Variants in CDH22 observed in about 807,000 individuals in gnomAD.
CDH22 encodes the protein cadherin 22, also known as cadherin-22.
CDH22 carries 30 observed loss-of-function variants against 58.4 expected under a neutral mutation model. The ratio of observed to expected loss-of-function variants is 0.51; its 90% confidence interval spans 0.38 to 0.70. The LOEUF (loss-of-function observed/expected upper bound fraction) is 0.70, where lower values mean the gene tolerates loss of function less well. Among genes scored for constraint, CDH22 ranks in the 30% least tolerant of loss-of-function variants. CDH22 has a pLI of 0.00. For synonymous variants in CDH22, 513 were observed against 558.2 expected, an observed-to-expected ratio of 0.92 and a Z score of 1.14; for missense variants, 1,014 against 1,233.9, an observed-to-expected ratio of 0.82 and a Z score of 2.67.
chr20:46,211,582 G>A (rs994307332), intron 6 of CDH22, among the ~76,000 whole-genome samples: 9 of 152,142 alleles, frequency 5.9e-5, no homozygotes, highest in Admixed American at 1.3e-4. Context: ...TGGAGTGGGC[G>A]GCAGGAGGGG....
chr20:46,236,848 T>C (rs1415287397), intron 3 of CDH22, among the ~76,000 whole-genome samples: 2 of 151,764 alleles, frequency 1.3e-5, no homozygotes, highest in East Asian at 1.9e-4. Context: ...TATGCCACCA[T>C]ACCTGGCTAA....
At position 46,241,020 on chromosome 20, in the gene CDH22, C is replaced by T. The variant is rs1161609936; in HGVS notation, c.493G>A (p.Glu165Lys). 6.2e-7 allele frequency: 1 copy of T among 1,614,040 alleles called. No individual in the cohort carries two copies. The highest frequency in any genetic ancestry group is 8.5e-7 in the Non-Finnish European group (1 of 1,179,970). Residue 165 changes from glutamate (E) to lysine (K), a missense_variant, in exon 3 of 12, where the codon GAG (glutamate) becomes AAG (lysine). Around this residue, in one of 2 missense-constraint regions of CDH22, gnomAD observed 806 missense variants for 1,038.7 expected, o/e 0.78. Transcript: ENST00000537909. This position sits in a 1 kb window ranked among gnomAD's most constrained non-coding sequence, Gnocchi z 5.2. ...IIKVQDINDS[E>K]PRFLHGPYIG... is the part of the protein sequence containing the mutation. ...TAGGGGCCGTGCAGGAAGCGGGGCT[C>T]ACTGTCATTGATGTCCTGCACCTTG...
At chr20:46,184,929 T>C (rs1333121059) in intron 10 of CDH22, among the ~76,000 whole-genome samples, 2 of 151,904 alleles carry the variant, frequency 1.3e-5, no homozygotes, top group Non-Finnish European at 1.5e-5. Context: ...CTACTAAAAA[T>C]ACAAAAATTA....
At chr20:46,214,809 T>G (rs1353900015) in intron 5 of CDH22, among the ~76,000 whole-genome samples, 1 of 152,234 alleles carries the variant, frequency 6.6e-6, no homozygotes, top group East Asian at 1.9e-4. Flanking sequence ...ATCCCATTGT[T>G]AGAATTACTG....
intron 6 of CDH22, among the ~76,000 whole-genome samples, chr20:46,211,631 G>T: frequency 6.6e-6 from 1 of 152,172 alleles, no homozygotes; most frequent in Non-Finnish European, 1.5e-5. Flanking sequence ...AGCAGCCCAG[G>T]GGATGAGAGC....
intron 1 of CDH22, among the ~76,000 whole-genome samples, chr20:46,291,762 G>A (rs2086604615): frequency 6.6e-6 from 1 of 152,260 alleles, no homozygotes; most frequent in South Asian, 2.1e-4. Context: ...ACAGCCCCAT[G>A]TGCCCACTCT....
At chr20:46,183,223 A>G (rs1169127743) in intron 10 of CDH22, among the ~76,000 whole-genome samples, 1 of 152,086 alleles carries the variant, frequency 6.6e-6, no homozygotes, top group African/African-American at 2.4e-5. Flanking sequence ...AGCTGTTGAC[A>G]CTAAGCCCCC....
chr20:46,277,353 A>G (rs967192324), intron 1 of CDH22, among the ~76,000 whole-genome samples: 15 of 152,118 alleles, frequency 9.9e-5, no homozygotes, highest in African/African-American at 3.6e-4. Context: ...CCAGGTTGGG[A>G]GGGCGCTGTC....
At chr20:46,227,672 G>T (rs60827237) in intron 3 of CDH22, 45 bp from the exon 4 acceptor site, 1 of 1,570,966 alleles carries the variant, frequency 6.4e-7, no homozygotes, top group African/African-American at 1.4e-5. Flanking sequence ...CTGGGGCTGC[G>T]GAGCTCGTTC....
At position 46,192,176 on chromosome 20, in the gene CDH22, C is replaced by T. The variant is rs114170975; in HGVS notation, c.1424-5229G>A. ...TGTAAGCAGAATTTTTGTATATTTT[C>T]TTTACTGCTGTATCCCCAGCAACTG... On this transcript the variant is annotated intron_variant, in intron 8 of 11. Coordinates refer to ENST00000537909, the MANE Select transcript of CDH22 (RefSeq NM_021248.3). Among the ~76,000 whole-genome samples, 1,517 of 152,244 alleles carry T rather than the reference C, an allele frequency of 1.0e-2. 26 individuals carry two copies. Among genetic ancestry groups the T allele is most frequent in the African/African-American group, 0.035 (1,452 of 41,516 alleles).
At chr20:46,263,763 C>A (rs2086445573) in intron 1 of CDH22, among the ~76,000 whole-genome samples, 1 of 152,024 alleles carries the variant, frequency 6.6e-6, no homozygotes, top group East Asian at 1.9e-4. Context: ...TGAGGACGGG[C>A]CTGGAGGAGT....
At chr20:46,301,815 T>C (rs2145786315) in intron 1 of CDH22, among the ~76,000 whole-genome samples, 1 of 152,116 alleles carries the variant, frequency 6.6e-6, no homozygotes, top group African/African-American at 2.4e-5. Flanking sequence ...CCGTCTCAAA[T>C]ATATATATAG....
intron 3 of CDH22, 141 bp from the exon 4 acceptor site, chr20:46,227,768 C>T: frequency 1.6e-6 from 2 of 1,234,414 alleles, no homozygotes. Context: ...CCCTCACGGT[C>T]CCCATCCCCA....
At chr20:46,205,610 C>T (rs2085996698) in intron 7 of CDH22, among the ~76,000 whole-genome samples, 1 of 152,144 alleles carries the variant, frequency 6.6e-6, no homozygotes, top group African/African-American at 2.4e-5. Context: ...CACAATGGGG[C>T]TAGGTAGGAA....
At chr20:46,280,238 G>A (rs1210701413) in intron 1 of CDH22, among the ~76,000 whole-genome samples, 1 of 152,142 alleles carries the variant, frequency 6.6e-6, no homozygotes, top group Non-Finnish European at 1.5e-5. Flanking sequence ...TGATCAATAT[G>A]GCAAAACCCC....
intron 10 of CDH22, among the ~76,000 whole-genome samples, chr20:46,184,941 C>G (rs2085813782): frequency 6.6e-6 from 1 of 152,236 alleles, no homozygotes; most frequent in South Asian, 2.1e-4. Flanking sequence ...CAAAAATTAG[C>G]CTGGCGTGGT....
At position 46,229,907 on chromosome 20, in the gene CDH22, T is replaced by C. The variant is rs151180156; in HGVS notation, c.551-2280A>G. 9.9e-5 allele frequency among the ~76,000 whole-genome samples: 15 copies of C among 152,238 alleles called. No homozygotes were observed. In the East Asian group the frequency reaches 2.9e-3, roughly 29 times the overall value. On this transcript the variant is annotated intron_variant, in intron 3 of 11. Transcript: ENST00000537909. ...AGGGCTGAGTGACTCCCCAGAGACA[T>C]GGCTGAGCTCTCTCTCTCCCTGGCT...
At chr20:46,262,425 T>C (rs369108778) in intron 1 of CDH22, among the ~76,000 whole-genome samples, 7 of 152,082 alleles carry the variant, frequency 4.6e-5, no homozygotes, top group African/African-American at 1.7e-4. Flanking sequence ...CCAGGCTATA[T>C]GTCGAACATG....
intron 3 of CDH22, among the ~76,000 whole-genome samples, chr20:46,238,905 C>T (rs1450872310): frequency 6.6e-6 from 1 of 152,248 alleles, no homozygotes; most frequent in African/African-American, 2.4e-5. Context: ...CTTCCATTGA[C>T]TTCTCAGCTT....
Sources: gnomAD v4.1 joint callset for allele counts (sites outside exome capture counted in the v4.1 genomes callset) on GRCh38, gnomAD v4.1.1 for gene constraint, gnomAD v4.1.1 regional missense constraint, Gnocchi (gnomAD v3.1) non-coding constraint, MANE v1.5 for transcripts, NCBI Gene and HGNC (gene_info 2026-07-23, HGNC 2026-07-21) for gene names.